The following GGTA1 variants were observed in gnomAD, a reference collection of about 807,000 sequenced individuals.
GGTA1 encodes the protein inactive N-acetyllactosaminide alpha-1,3-galactosyltransferase.
A neutral mutation model predicts 2.6 loss-of-function variants in GGTA1; 5 were observed. The observed-to-expected ratio is 1.92, with a 90% CI of 1.00 to 4.04. The LOEUF (loss-of-function observed/expected upper bound fraction) is 4.04. Among genes scored for constraint, GGTA1 ranks in the 30% most tolerant of loss-of-function variants. GGTA1 has a pLI of 0.00. For synonymous variants in GGTA1, 17 were observed against 5.0 expected (o/e 3.38, Z -3.19); for missense variants, 50 against 16.7 (o/e 2.99, Z -3.47).
intron 1 of GGTA1, among the ~76,000 whole-genome samples, chr9:121,495,045 C>T (rs1055809476): frequency 4.0e-5 from 6 of 151,590 alleles, no homozygotes; most frequent in African/African-American, 1.5e-4. Flanking sequence ...ATGCCTCAGC[C>T]TCCCAAGTAG....
chr9:121,452,599 G>A (rs989314229), downstream of GGTA1, among the ~76,000 whole-genome samples: 2 of 151,758 alleles, frequency 1.3e-5, no homozygotes, highest in African/African-American at 2.4e-5. Flanking sequence ...GCTCACTGTA[G>A]TCTCTGCCTC....
exon 8 of GGTA1, chr9:121,446,571 A>C (rs2064853202): frequency 6.6e-6 from 1 of 152,248 alleles, no homozygotes; most frequent in Non-Finnish European, 1.5e-5. Context: ...CTTGCTGCCA[A>C]ACGCTTCCCT....
chr9:121,456,239 T>C (rs1032781694), intron 5 of GGTA1, among the ~76,000 whole-genome samples: 1 of 152,206 alleles, frequency 6.6e-6, no homozygotes, highest in Non-Finnish European at 1.5e-5. Flanking sequence ...GATGCTTTCC[T>C]TCCACGTAGG....
exon 8 of GGTA1, chr9:121,445,908 A>C (rs1487544837): frequency 6.6e-6 from 1 of 152,172 alleles, no homozygotes; most frequent in Non-Finnish European, 1.5e-5. Context: ...GATGAAGCCC[A>C]CATCCTAGAA....
chr9:121,451,131 T>G (rs2064876189), downstream of GGTA1, among the ~76,000 whole-genome samples: 1 of 152,108 alleles, frequency 6.6e-6, no homozygotes, highest in South Asian at 2.1e-4. Flanking sequence ...AAAAGGAAAA[T>G]TCTCCAAAAA....
chr9:121,489,993 A>G (rs1828842179), intron 1 of GGTA1, among the ~76,000 whole-genome samples: 1 of 152,156 alleles, frequency 6.6e-6, no homozygotes, highest in African/African-American at 2.4e-5. Flanking sequence ...CACGTATTTG[A>G]TTATTTTTGG....
chr9:121,463,119 A>T (rs1056391), intron 3 of GGTA1, 174 bp downstream of exon 3: 1 of 397,456 alleles, frequency 2.5e-6, no homozygotes, highest in African/African-American at 2.1e-5. Flanking sequence ...TTCTATACAG[A>T]TAAGTCTACG....
At chr9:121,489,204 A>G (rs933857907) in intron 1 of GGTA1, among the ~76,000 whole-genome samples, 19 of 152,084 alleles carry the variant, frequency 1.2e-4, no homozygotes, top group East Asian at 9.6e-4. Flanking sequence ...ATTATATTTT[A>G]TATATATTTT....
chr9:121,457,840 G>A (rs1286480355), intron 5 of GGTA1, among the ~76,000 whole-genome samples: 1 of 152,026 alleles, frequency 6.6e-6, no homozygotes, highest in Non-Finnish European at 1.5e-5. Context: ...TGGTGTCATG[G>A]AAGCAAAGCG....
chr9:121,464,700 T>C lies in GGTA1; in HGVS notation c.81-1372A>G, dbSNP rs560554977. On this transcript the variant is annotated intron_variant, in intron 2 of 5. Coordinates refer to ENST00000481799, the MANE Select transcript of GGTA1 (RefSeq NM_001382585.1). ...GGTCCTGGCACATGCCCTCAATAAC[T>C]TGTAGTTCCCATCATGATCACCACT... is the stretch of plus-strand genomic sequence containing the variant. Among the ~76,000 whole-genome samples the C allele has an allele frequency of 6.6e-5, 10 of 152,302 alleles. No homozygotes were observed. In the South Asian group the frequency reaches 2.1e-3, roughly 32 times the overall value.
intron 1 of GGTA1, among the ~76,000 whole-genome samples, chr9:121,475,525 G>A (rs376887441): frequency 7.9e-5 from 12 of 152,190 alleles, no homozygotes; most frequent in African/African-American, 2.9e-4. Flanking sequence ...CCCCCTTCCT[G>A]TAACACAAGT....
At chr9:121,458,194 GC>G in intron 5 of GGTA1, among the ~76,000 whole-genome samples, 1 of 151,892 alleles carries the variant, frequency 6.6e-6, no homozygotes, top group East Asian at 1.9e-4. Flanking sequence ...ACAGGCGTGA[GC>G]CAAAAAGGAT....
chr9:121,490,058 C>A (rs1242657661), intron 1 of GGTA1, among the ~76,000 whole-genome samples: 1 of 152,156 alleles, frequency 6.6e-6, no homozygotes, highest in Non-Finnish European at 1.5e-5. Context: ...AAGGAACTTG[C>A]GAAGAATTTC....
chr9:121,446,238 T>C (rs2064851806), exon 8 of GGTA1: 1 of 152,318 alleles, frequency 6.6e-6, no homozygotes, highest in African/African-American at 2.4e-5. Context: ...CGCTATTTCA[T>C]GGCAAACTCA....
At position 121,463,401 on chromosome 9, in the gene GGTA1, T is replaced by G. The variant is rs2064976920; in HGVS notation, c.81-73A>C. ...GAGAAAGGCGATTTTGTAACCATTA[T>G]CACTGAGCCCGGGGCTGAGCTAAGA... On this transcript the variant is annotated intron_variant, in intron 2 of 5. Coordinates refer to ENST00000481799, the MANE Select transcript of GGTA1 (RefSeq NM_001382585.1). 9 of 440,386 alleles carry G rather than the reference T, an allele frequency of 2.0e-5. 1 individual carries two copies. Among genetic ancestry groups the G allele is most frequent in the South Asian group, 1.5e-4 (9 of 61,820 alleles). 27.3% of individuals were successfully genotyped at this position (440,386 alleles called of 1,614,324 possible).
At chr9:121,472,281 C>T (rs1293804267) in intron 1 of GGTA1, among the ~76,000 whole-genome samples, 1 of 152,068 alleles carries the variant, frequency 6.6e-6, no homozygotes, top group African/African-American at 2.4e-5. Context: ...CACATCTGGC[C>T]CCAGGGTTTC....
At chr9:121,497,268 T>A (rs1423583423) in intron 1 of GGTA1, among the ~76,000 whole-genome samples, 1 of 152,174 alleles carries the variant, frequency 6.6e-6, no homozygotes, top group East Asian at 1.9e-4. Flanking sequence ...TACATTCATT[T>A]CAGATAAAAT....
At chr9:121,489,924 GC>G (rs1278730924) in intron 1 of GGTA1, among the ~76,000 whole-genome samples, 1 of 152,162 alleles carries the variant, frequency 6.6e-6, no homozygotes, top group Non-Finnish European at 1.5e-5. Context: ...GTCTGCTCCT[GC>G]AAAAGAACTA....
intron 1 of GGTA1, among the ~76,000 whole-genome samples, chr9:121,475,207 C>G (rs998443243): frequency 1.3e-5 from 2 of 152,148 alleles, no homozygotes; most frequent in Admixed American, 6.5e-5. Context: ...TGAGAGTGAC[C>G]TCTGGTCCTC....
Sources: allele counts gnomAD v4.1 joint callset (sites outside exome capture counted in the v4.1 genomes callset), GRCh38; gene constraint gnomAD v4.1.1; transcripts MANE v1.5; gene names NCBI Gene and HGNC (gene_info 2026-07-23, HGNC 2026-07-21).